The following AGAP1 variants were observed in gnomAD, a reference collection of about 807,000 sequenced individuals.
AGAP1 encodes arf-GAP with GTPase, ANK repeat and PH domain-containing protein 1.
A neutral mutation model predicts 105.3 loss-of-function variants in AGAP1; 29 were observed. The observed-to-expected ratio is 0.28, with a 90% confidence interval of 0.21 to 0.38. The LOEUF (loss-of-function observed/expected upper bound fraction) is 0.38. Among genes scored for constraint, AGAP1 ranks in the 10% least tolerant of loss-of-function variants. The pLI, the probability that AGAP1 is intolerant of heterozygous loss-of-function variation, is 1.00. For synonymous variants in AGAP1, 509 were observed against 485.9 expected (o/e 1.05, Z -0.63); for missense variants, 998 against 1,165.1 (o/e 0.86, Z 2.09).
At position 235,635,486 on chromosome 2, in the gene AGAP1, C is replaced by T. The variant is rs769370774; in HGVS notation, c.164-73693C>T. ...GTGAATTCGTTCTTTTATTCATCAT[C>T]CAAAAAGTTCCATTGTTTGAGATGA... On this transcript the variant is annotated intron_variant, in intron 1 of 17. Transcript: ENST00000304032. This position sits in a 1 kb window ranked among gnomAD's most constrained non-coding sequence, Gnocchi z 5.3. 8.5e-5 allele frequency among the ~76,000 whole-genome samples: 13 copies of T among 152,090 alleles called. No homozygotes were observed. The highest frequency in any genetic ancestry group is 1.6e-4 in the Non-Finnish European group (11 of 68,034).
chr2:235,527,946 G>A (rs888964212), intron 1 of AGAP1, among the ~76,000 whole-genome samples: 2 of 152,152 alleles, frequency 1.3e-5, no homozygotes, highest in African/African-American at 4.8e-5. Flanking sequence ...AATTCTGTCT[G>A]TATCATCTTG....
In AGAP1 at chr2:235,574,757, TAAAAG is replaced by T. The variant is rs1213207569; in HGVS notation, c.163+79912_163+79916del. ...ACCAGGAGGGAATGAACGAGAAAAA[TAAAAG>T]AAAGAAAATCACACAAGACCAAATA... On this transcript the variant is annotated intron_variant, in intron 1 of 17. Transcript: ENST00000304032. The surrounding 1 kb of genome is among the most constrained non-coding windows in gnomAD (Gnocchi z 5.0). Among the ~76,000 whole-genome samples the T allele has an allele frequency of 9.2e-5, 14 of 152,008 alleles. No homozygotes were observed. Among genetic ancestry groups the T allele is most frequent in the African/African-American group, 1.2e-4 (5 of 41,378 alleles).
intron 1 of AGAP1, among the ~76,000 whole-genome samples, chr2:235,593,993 GA>G (rs375707021): frequency 1.3e-5 from 2 of 151,326 alleles, no homozygotes; most frequent in African/African-American, 4.9e-5. Flanking sequence ...AGAAGAGAAG[GA>G]AAAAAAATCA....
At chr2:235,858,143 A>G (rs939919185) in intron 9 of AGAP1, among the ~76,000 whole-genome samples, 2 of 152,240 alleles carry the variant, frequency 1.3e-5, no homozygotes, top group African/African-American at 4.8e-5. Context: ...AATGAATTCC[A>G]TCATCAACAT....
chr2:236,048,639 G>A (rs1337258920), intron 15 of AGAP1, among the ~76,000 whole-genome samples: 3 of 152,190 alleles, frequency 2.0e-5, no homozygotes, highest in Non-Finnish European at 2.9e-5. Context: ...CCAGAGTCAC[G>A]GTGTCACCCA....
Position 235,744,614 on chromosome 2 carries a change from C to A in AGAP1, c.397-84C>A. On this transcript the variant is annotated intron_variant, in intron 4 of 17. Coordinates refer to ENST00000304032, the MANE Select transcript of AGAP1 (RefSeq NM_001037131.3). This position sits in a 1 kb window ranked among gnomAD's most constrained non-coding sequence, Gnocchi z 5.2. Reference sequence around the variant, plus strand: ...CCGAGGGGATTCCTGCAGCCCCCTGCTGCCTGCCGCCATGCAGACATCTCT... The same window carrying A: ...CCGAGGGGATTCCTGCAGCCCCCTGATGCCTGCCGCCATGCAGACATCTCT... The A allele has an allele frequency of 6.5e-7, 1 of 1,549,864 alleles. No individual in the cohort carries two copies. The highest frequency in any genetic ancestry group is 1.7e-5 in the Admixed American group (1 of 58,466).
In AGAP1 at chr2:235,732,660, C is replaced by G. The variant is rs2149616396; in HGVS notation, c.311-8303C>G. 6.6e-6 allele frequency among the ~76,000 whole-genome samples: 1 copy of G among 152,260 alleles called. No individual in the cohort carries two copies. The highest frequency in any genetic ancestry group is 1.5e-5 in the Non-Finnish European group (1 of 68,026). ...CCTTTGCATAATGTCCCCAGCCCTG[C>G]TCTTCAGCCTTCTTGGCTTGGACCT... On this transcript the variant is annotated intron_variant, in intron 3 of 17. Transcript: ENST00000304032. The surrounding 1 kb of genome is among the most constrained non-coding windows in gnomAD (Gnocchi z 4.8).
At chr2:235,890,083 A>G (rs1039892393) in intron 10 of AGAP1, among the ~76,000 whole-genome samples, 2 of 151,484 alleles carry the variant, frequency 1.3e-5, no homozygotes, top group Non-Finnish European at 2.9e-5. Context: ...GGGTCCCTGC[A>G]CTTCCATGCT....
At chr2:235,506,132 C>T (rs1182823275) in intron 1 of AGAP1, among the ~76,000 whole-genome samples, 8 of 152,074 alleles carry the variant, frequency 5.3e-5, no homozygotes, top group East Asian at 1.9e-4. Context: ...GGTTTCACCA[C>T]GTTGGCCAGG....
chr2:235,834,453 C>G (rs1959872424), intron 9 of AGAP1, among the ~76,000 whole-genome samples: 1 of 152,210 alleles, frequency 6.6e-6, no homozygotes, highest in African/African-American at 2.4e-5. Flanking sequence ...GCGTCCTGTC[C>G]TCGTGCACCC....
At chr2:235,515,865 C>T (rs1356528087) in intron 1 of AGAP1, among the ~76,000 whole-genome samples, 2 of 152,128 alleles carry the variant, frequency 1.3e-5, no homozygotes, top group African/African-American at 4.8e-5. Flanking sequence ...CCTTTTGCAT[C>T]TTGGTGGGAA....
In AGAP1 at chr2:236,056,754, C is replaced by T. The variant is rs546262646; in HGVS notation, c.2114+7473C>T. 1.5e-3 allele frequency among the ~76,000 whole-genome samples: 222 copies of T among 152,252 alleles called. No homozygotes were observed. The highest frequency in any genetic ancestry group is 5.2e-3 in the African/African-American group (215 of 41,544). ...AAACATGGCCGGAGCACACAGCGCC[C>T]TGTGTGCTTGGATTATCCCCATTCC... On this transcript the variant is annotated intron_variant, in intron 16 of 17. Transcript: ENST00000304032. The surrounding 1 kb of genome is among the most constrained non-coding windows in gnomAD (Gnocchi z 4.6).
intron 16 of AGAP1, among the ~76,000 whole-genome samples, chr2:236,071,155 A>G (rs956102604): frequency 1.5e-4 from 23 of 152,362 alleles, no homozygotes; most frequent in African/African-American, 5.5e-4. Flanking sequence ...GCGCTGGTTC[A>G]TTTCTTTGAC....
chr2:235,532,375 C>G (rs560208509), intron 1 of AGAP1, among the ~76,000 whole-genome samples: 1 of 152,200 alleles, frequency 6.6e-6, no homozygotes, highest in Non-Finnish European at 1.5e-5. Flanking sequence ...CGCCATCACA[C>G]CTAGCTAATT....
At chr2:235,682,337 G>C (rs1172317353) in intron 1 of AGAP1, among the ~76,000 whole-genome samples, 1 of 150,336 alleles carries the variant, frequency 6.7e-6, no homozygotes, top group Non-Finnish European at 1.5e-5. Context: ...TTTTGTGGGG[G>C]TTTTGTTTTG....
At position 235,934,325 on chromosome 2, in the gene AGAP1, C is replaced by T. The variant is rs1038151256; in HGVS notation, c.1483+3402C>T. Reference sequence around the variant, plus strand: ...CGGACCAAGTGGCATTTGACAGCTCCGGGGATTTGGCTGGTGATGCAGAAT... The same window carrying T: ...CGGACCAAGTGGCATTTGACAGCTCTGGGGATTTGGCTGGTGATGCAGAAT... On this transcript the variant is annotated intron_variant, in intron 12 of 17. Transcript: ENST00000304032. This position sits in a 1 kb window ranked among gnomAD's most constrained non-coding sequence, Gnocchi z 4.9. 5.9e-5 allele frequency among the ~76,000 whole-genome samples: 9 copies of T among 152,174 alleles called. No individual in the cohort carries two copies. The highest frequency in any genetic ancestry group is 1.2e-4 in the Non-Finnish European group (8 of 68,032).
rs1266458178 is a variant in AGAP1 at position 235,865,051 on chromosome 2, A to G, written c.1051-18294A>G. Among the ~76,000 whole-genome samples the G allele has an allele frequency of 1.3e-5, 2 of 152,334 alleles. No individual in the cohort carries two copies. The highest frequency in any genetic ancestry group is 4.8e-5 in the African/African-American group (2 of 41,568). On this transcript the variant is annotated intron_variant, in intron 9 of 17. Coordinates refer to ENST00000304032, the MANE Select transcript of AGAP1 (RefSeq NM_001037131.3). The surrounding 1 kb of genome is among the most constrained non-coding windows in gnomAD (Gnocchi z 6.2). ...GGTCTTGTTATTCAGTGGACGCTGT[A>G]TTAAATTGGATTCTGTGTCCATCAT... is the stretch of plus-strand genomic sequence containing the variant.
chr2:235,715,357 G>T (rs1284662282), intron 2 of AGAP1, among the ~76,000 whole-genome samples: 1 of 152,166 alleles, frequency 6.6e-6, no homozygotes, highest in African/African-American at 2.4e-5. Flanking sequence ...GGTCCTAAGT[G>T]TAGTGGGAGG....
intron 7 of AGAP1, among the ~76,000 whole-genome samples, chr2:235,798,550 A>G (rs1330746643): frequency 1.3e-5 from 2 of 152,032 alleles, no homozygotes; most frequent in Non-Finnish European, 2.9e-5. Context: ...AAGTTATGGC[A>G]TGTATTGTCA....
Sources: gnomAD v4.1 joint callset for allele counts (sites outside exome capture counted in the v4.1 genomes callset) on GRCh38, gnomAD v4.1.1 for gene constraint, Gnocchi (gnomAD v3.1) non-coding constraint, MANE v1.5 for transcripts, NCBI Gene and HGNC (gene_info 2026-07-23, HGNC 2026-07-21) for gene names.